ETFA: variants seen among roughly 807,000 people sequenced by gnomAD.
The protein encoded by ETFA is electron transfer flavoprotein subunit alpha.
A neutral mutation model predicts 46.2 loss-of-function variants in ETFA; 22 were observed. That is an observed-to-expected ratio of 0.48 (90% CI 0.34 to 0.68). The LOEUF is 0.68. Among genes scored for constraint, ETFA ranks in the 30% least tolerant of loss-of-function variants. The pLI, the probability that ETFA is intolerant of heterozygous loss-of-function variation, is 0.01. For missense variants in ETFA, 345 were observed against 401.1 expected, an observed-to-expected ratio of 0.86 and a Z score of 1.19; for synonymous variants, 131 against 139.9, an observed-to-expected ratio of 0.94 and a Z score of 0.45.
At chr15:76,278,261 C>T (rs964052826) in intron 8 of ETFA, among the ~76,000 whole-genome samples, 1 of 152,174 alleles carries the variant, frequency 6.6e-6, no homozygotes, top group Non-Finnish European at 1.5e-5. Flanking sequence ...CAATTTTCAG[C>T]GTCTTTCTGA....
chr15:76,234,529 C>A (rs1039583739), intron 9 of ETFA, among the ~76,000 whole-genome samples: 2 of 152,070 alleles, frequency 1.3e-5, no homozygotes, highest in African/African-American at 4.8e-5. Flanking sequence ...GAGATGTTGC[C>A]AGGGAGTACA....
chr15:76,306,841 A>G (rs2039945040), intron 1 of ETFA, among the ~76,000 whole-genome samples: 1 of 152,160 alleles, frequency 6.6e-6, no homozygotes, highest in Admixed American at 6.5e-5. Flanking sequence ...AAAGGACAAG[A>G]CTCTTAGTAG....
chr15:76,220,142 C>A (rs917984483), intron 11 of ETFA, among the ~76,000 whole-genome samples: 5 of 152,174 alleles, frequency 3.3e-5, no homozygotes, highest in Admixed American at 2.6e-4. Flanking sequence ...TGGCTCACTG[C>A]AACTTCTGCC....
Position 76,286,360 on chromosome 15 carries a change from T to G in ETFA, c.562+11A>C. 1 of 1,547,730 alleles carries G rather than the reference T, an allele frequency of 6.5e-7. No homozygotes were observed. Among genetic ancestry groups the G allele is most frequent in the Non-Finnish European group, 8.9e-7 (1 of 1,121,012 alleles). On this transcript the variant is annotated intron_variant, in intron 6 of 11. Transcript: ENST00000557943. ...AGAAACAAAACAAAAAAACTCCAAA[T>G]GAACACTCACCCTTTTCTGAACTGG...
At chr15:76,217,737 A>G in intron 11 of ETFA, 1 of 400,974 alleles carries the variant, frequency 2.5e-6, no homozygotes, top group South Asian at 1.7e-5. Context: ...GCAAAGTATC[A>G]ATTACCCAGT....
intron 11 of ETFA, among the ~76,000 whole-genome samples, chr15:76,223,634 G>A (rs1028425335): frequency 6.6e-6 from 1 of 152,196 alleles, no homozygotes; most frequent in Non-Finnish European, 1.5e-5. Context: ...AGTCCAATGT[G>A]GGCTTCCTAA....
intron 9 of ETFA, among the ~76,000 whole-genome samples, chr15:76,239,786 T>TAA (rs200710641): frequency 3.0e-5 from 4 of 133,286 alleles, no homozygotes; most frequent in Admixed American, 7.6e-5. Context: ...TTGTACATAT[T>TAA]AAAAAAAAAA....
intron 9 of ETFA, among the ~76,000 whole-genome samples, chr15:76,253,724 T>C (rs1042564102): frequency 6.6e-6 from 1 of 152,168 alleles, no homozygotes; most frequent in Non-Finnish European, 1.5e-5. Context: ...GGGAGAGATT[T>C]TGGATGGCCA....
intron 9 of ETFA, among the ~76,000 whole-genome samples, chr15:76,265,531 A>G (rs1334337297): frequency 2.0e-5 from 3 of 152,194 alleles, no homozygotes; most frequent in Non-Finnish European, 4.4e-5. Context: ...TGATGTCTCT[A>G]TTTATTGCTT....
chr15:76,221,185 G>A (rs1486966421), intron 11 of ETFA, among the ~76,000 whole-genome samples: 2 of 152,206 alleles, frequency 1.3e-5, no homozygotes, highest in African/African-American at 4.8e-5. Context: ...TAACATGGAT[G>A]AACTTTGAAA....
rs200614329 is a variant in ETFA, at chr15:76,271,941, CCT to C, written c.816+2469_816+2470del. ...CACACACACACACACACACACACACCCTGAGTTAATGAATCAAAATTCTCTCG... is the reference window on the plus strand; with the variant it reads ...CACACACACACACACACACACACACCGAGTTAATGAATCAAAATTCTCTCG... On this transcript the variant is annotated intron_variant, in intron 9 of 11. Transcript: ENST00000557943. Among the ~76,000 whole-genome samples the C allele has an allele frequency of 8.5e-3, 1,241 of 145,340 alleles. 19 individuals carry two copies. Among genetic ancestry groups the C allele is most frequent in the African/African-American group, 0.03 (1,184 of 38,854 alleles).
chr15:76,216,457 T>C lies in ETFA; in HGVS notation c.*102A>G. 2.7e-6 allele frequency: 2 copies of C among 733,052 alleles called. No homozygotes were observed. Among genetic ancestry groups the C allele is most frequent in the Non-Finnish European group, 4.9e-6 (2 of 412,168 alleles). 45.4% of individuals were successfully genotyped at this position (733,052 alleles called of 1,614,324 possible). A position where few individuals can be genotyped will look rare whatever the true frequency, so the allele number is the denominator to read the frequency against. ...AAATTTTCCCTCAAATTATGAAATG[T>C]AGCTCTCCATGCTTTCCAATGATTG... On this transcript the variant is annotated 3_prime_UTR_variant, in exon 12 of 12. Transcript: ENST00000557943.
chr15:76,285,491 A>G (rs2141530420), intron 7 of ETFA, 146 bp downstream of exon 7: 2 of 616,006 alleles, frequency 3.2e-6, no homozygotes, highest in East Asian at 2.9e-5. Context: ...TCATTTTCCT[A>G]ATTGGTTAAA....
intron 2 of ETFA, 32 bp from the exon 3 acceptor site, chr15:76,292,732 A>G (rs1165786967): frequency 2.1e-6 from 3 of 1,404,046 alleles, no homozygotes; most frequent in Non-Finnish European, 3.0e-6. Flanking sequence ...CTAATTATCC[A>G]TCTATCAGAA....
At chr15:76,257,789 C>T (rs537132608) in intron 9 of ETFA, among the ~76,000 whole-genome samples, 3 of 151,860 alleles carry the variant, frequency 2.0e-5, no homozygotes, top group South Asian at 4.2e-4. Flanking sequence ...CAATGATAGA[C>T]TGGATTAAGA....
chr15:76,227,514 T>TAAAAAAAAAA (rs1352895839), intron 10 of ETFA, among the ~76,000 whole-genome samples: 1 of 6,292 alleles, frequency 1.6e-4, no homozygotes, highest in Non-Finnish European at 2.9e-4. Flanking sequence ...AGACTCTGTC[T>TAAAAAAAAAA]CAAAAAAAAA....
At chr15:76,242,783 G>C (rs751841228) in intron 9 of ETFA, among the ~76,000 whole-genome samples, 2 of 152,182 alleles carry the variant, frequency 1.3e-5, no homozygotes, top group Non-Finnish European at 2.9e-5. Flanking sequence ...CATCATAAAA[G>C]GACAAATATT....
intron 8 of ETFA, among the ~76,000 whole-genome samples, chr15:76,281,598 G>A (rs1344792976): frequency 4.0e-5 from 6 of 151,500 alleles, no homozygotes; most frequent in Non-Finnish European, 5.9e-5. Context: ...GCTAATTTTT[G>A]TATTTTTTAG....
chr15:76,311,279 T>C (rs2141564390), intron 1 of ETFA, 71 bp downstream of exon 1: 7 of 1,519,524 alleles, frequency 4.6e-6, no homozygotes, highest in Admixed American at 3.9e-5. Flanking sequence ...CAGTGATCTT[T>C]GCAAGACCCC....
Sources: allele counts gnomAD v4.1 joint callset (sites outside exome capture counted in the v4.1 genomes callset), GRCh38; gene constraint gnomAD v4.1.1; transcripts MANE v1.5; gene names NCBI Gene and HGNC (gene_info 2026-07-23, HGNC 2026-07-21).